The following LINGO3 variants were observed in gnomAD, a reference collection of about 807,000 sequenced individuals.
The protein encoded by LINGO3 is leucine rich repeat and Ig domain containing 3.
For missense variants in LINGO3, 750 were observed against 867.7 expected (o/e 0.86, Z 1.70); for synonymous variants, 427 against 444.2 (o/e 0.96, Z 0.49).
chr19:2,300,479 C>T, the LINGO3 span, among the ~76,000 whole-genome samples: 1 of 151,958 alleles, frequency 6.6e-6, no homozygotes, highest in South Asian at 2.1e-4. Flanking sequence ...CCACCTGGGG[C>T]ATTACCTCCC....
At chr19:2,296,536 T>C (rs1017234733), upstream of LINGO3, among the ~76,000 whole-genome samples, 2 of 151,854 alleles carry the variant, frequency 1.3e-5, no homozygotes, top group Non-Finnish European at 2.9e-5. Context: ...TGGAATGCAA[T>C]GGCATGATCT....
Position 2,291,841 on chromosome 19 carries a change from C to A in LINGO3, c.-65G>T. 7.3e-7 allele frequency: 1 copy of A among 1,377,958 alleles called. No homozygotes were observed. The highest frequency in any genetic ancestry group is 9.8e-7 in the Non-Finnish European group (1 of 1,024,694). The allele number at this position is 1,377,958 out of a possible 1,614,324, so 85.4% of individuals were successfully genotyped here. On this transcript the variant is annotated 5_prime_UTR_variant, in exon 1 of 1. Coordinates refer to ENST00000585527, the Ensembl canonical transcript of LINGO3. ...TGCGCACCTGCGGGCGGGCGGGGAG[C>A]GGGCAGCGTTAGCACCGTTAGCACC...
At chr19:2,296,962 G>C (rs2025578767), upstream of LINGO3, among the ~76,000 whole-genome samples, 4 of 151,582 alleles carry the variant, frequency 2.6e-5, no homozygotes, top group Admixed American at 2.6e-4. Flanking sequence ...CGTGGTGGCG[G>C]GCGCCCGTAG....
chr19:2,291,512 C>T (rs760476245), exon 1 of LINGO3: 8 of 1,609,956 alleles, frequency 5.0e-6, no homozygotes, highest in Admixed American at 1.7e-5. Context: ...TGCGCGATGG[C>T]GTTCTCGCTC....
the LINGO3 span, among the ~76,000 whole-genome samples, chr19:2,302,999 C>T: frequency 6.6e-6 from 1 of 152,264 alleles, no homozygotes; most frequent in Non-Finnish European, 1.5e-5. Flanking sequence ...CTGTGCACGG[C>T]GCATCCACGC....
At chr19:2,291,227 A>T in exon 1 of LINGO3, 1 of 1,611,328 alleles carries the variant, frequency 6.2e-7, no homozygotes, top group Non-Finnish European at 8.5e-7. Context: ...GTGAGGTTGC[A>T]GCGCTCCAGG....
At chr19:2,305,353 T>C in the LINGO3 span, among the ~76,000 whole-genome samples, 9 of 152,054 alleles carry the variant, frequency 5.9e-5, no homozygotes, top group Middle Eastern at 3.4e-3. Context: ...TCCTTAGATA[T>C]GGATCCTGGA....
exon 1 of LINGO3, chr19:2,289,885 C>T (rs2025500972): frequency 2.3e-6 from 2 of 877,242 alleles, no homozygotes; most frequent in Admixed American, 3.0e-5. Context: ...AGGGGAAGTT[C>T]TGCCTGGGGA....
At position 2,290,394 on chromosome 19, in the gene LINGO3, G is replaced by T; in HGVS notation, c.1383C>A (p.Pro461=). The change falls in exon 1 of 1, where the codon CCC becomes CCA. Residue 461 remains proline, a synonymous_variant. Coordinates refer to ENST00000585527, the Ensembl canonical transcript of LINGO3. This position sits in a 1 kb window ranked among gnomAD's most constrained non-coding sequence, Gnocchi z 6.0. ...CGTCCTGGATCTCCAGCGTCCCCCC[G>T]GGGAGCACGCGCGCCCGGCCCGCGC... The T allele has an allele frequency of 1.4e-6, 2 of 1,454,758 alleles. No individual in the cohort carries two copies. Among genetic ancestry groups the T allele is most frequent in the Non-Finnish European group, 1.8e-6 (2 of 1,111,094 alleles). 90.1% of individuals were successfully genotyped at this position (1,454,758 alleles called of 1,614,324 possible). A position where few individuals can be genotyped will look rare whatever the true frequency, so the allele number is the denominator to read the frequency against.
the LINGO3 span, among the ~76,000 whole-genome samples, chr19:2,298,551 T>C: frequency 6.7e-6 from 1 of 149,822 alleles, no homozygotes; most frequent in African/African-American, 2.5e-5. Flanking sequence ...TTTTTTTTTT[T>C]TTTTTTTGAC....
At chr19:2,293,270 T>C (rs996195197), upstream of LINGO3, among the ~76,000 whole-genome samples, 1 of 151,874 alleles carries the variant, frequency 6.6e-6, no homozygotes, top group Non-Finnish European at 1.5e-5. Context: ...TTCACCGTGT[T>C]AGCCAGGATG....
chr19:2,304,094 T>C, the LINGO3 span, among the ~76,000 whole-genome samples: 18,006 of 152,212 alleles, frequency 0.12, 1,394 homozygotes, highest in East Asian at 0.22. Flanking sequence ...AGGCCCTGGT[T>C]TGCTCCTGGC....
At chr19:2,296,340 C>T (rs149628572), upstream of LINGO3, among the ~76,000 whole-genome samples, 1,179 of 152,270 alleles carry the variant, frequency 7.7e-3, 16 homozygotes, top group African/African-American at 0.027. Flanking sequence ...ACAGGCCGGG[C>T]GCGGTGGTTC....
At chr19:2,293,061 G>GTTTCTTTCTTTCTTTCTTTC (rs71176536), upstream of LINGO3, among the ~76,000 whole-genome samples, 125 of 151,052 alleles carry the variant, frequency 8.3e-4, 1 homozygote, top group African/African-American at 2.0e-3. Context: ...GTATGACCCC[G>GTTTCTTTCTTTCTTTCTTTC]TTTCTTTCTT....
chr19:2,306,163 G>A, the LINGO3 span, among the ~76,000 whole-genome samples: 1 of 152,214 alleles, frequency 6.6e-6, no homozygotes, highest in Admixed American at 6.5e-5. Flanking sequence ...TGACTAGGGG[G>A]AATAATAAAG....
chr19:2,293,553 T>C (rs1298502566), upstream of LINGO3, among the ~76,000 whole-genome samples: 4 of 149,288 alleles, frequency 2.7e-5, no homozygotes, highest in Admixed American at 2.7e-4. Flanking sequence ...ACAGATGGGG[T>C]TTTGCCATGT....
At chr19:2,291,119 T>C in exon 1 of LINGO3, 1 of 1,607,952 alleles carries the variant, frequency 6.2e-7, no homozygotes, top group Non-Finnish European at 8.5e-7. Flanking sequence ...CCGGGCAGCC[T>C]GCGGAAGTTC....
the LINGO3 span, among the ~76,000 whole-genome samples, chr19:2,299,793 G>C: frequency 1.4e-5 from 2 of 141,306 alleles, no homozygotes; most frequent in Non-Finnish European, 3.0e-5. Flanking sequence ...GTGCGATCTC[G>C]GCTCACTGCA....
upstream of LINGO3, among the ~76,000 whole-genome samples, chr19:2,295,628 T>C (rs751559285): frequency 4.6e-5 from 7 of 151,760 alleles, no homozygotes; most frequent in Non-Finnish European, 1.0e-4. Context: ...CCCAGCTCCT[T>C]GTGAGGCTGA....
Sources: gnomAD v4.1 joint callset for allele counts (sites outside exome capture counted in the v4.1 genomes callset) on GRCh38, gnomAD v4.1.1 for gene constraint, Gnocchi (gnomAD v3.1) non-coding constraint, MANE v1.5 for transcripts, NCBI Gene and HGNC (gene_info 2026-07-23, HGNC 2026-07-21) for gene names.